AKAP7: variants seen among roughly 807,000 people sequenced by gnomAD.
AKAP7 encodes the protein A kinase (PRKA) anchor protein 7.
AKAP7 carries 39 observed loss-of-function variants against 39.5 expected under a neutral mutation model. The observed-to-expected ratio is 0.99, with a 90% CI of 0.76 to 1.29. AKAP7 has a LOEUF of 1.29. Among genes scored for constraint, AKAP7 ranks in the 50% most tolerant of loss-of-function variants. AKAP7 has a pLI of 0.00. For missense variants in AKAP7, 414 were observed against 407.7 expected, an observed-to-expected ratio of 1.02 and a Z score of -0.13; for synonymous variants, 140 against 139.1, an observed-to-expected ratio of 1.01 and a Z score of -0.05.
At chr6:131,238,348 C>G (rs141033644) in intron 7 of AKAP7, among the ~76,000 whole-genome samples, 1 of 152,004 alleles carries the variant, frequency 6.6e-6, no homozygotes, top group East Asian at 1.9e-4. Context: ...TTTTGGAATA[C>G]GTGTGGTGTG....
Position 131,281,628 on chromosome 6 carries a change from G to A in AKAP7, c.949G>A (p.Glu317Lys). The change falls in exon 8 of 8, where the codon GAG becomes AAG. Residue 317 changes from glutamate (E) to lysine (K), a missense_variant. Physicochemically the swap from Glu to Lys is moderately conservative, Grantham distance 56 (BLOSUM62 1). Transcript: ENST00000431975. This position sits in a 1 kb window ranked among gnomAD's most constrained non-coding sequence, Gnocchi z 4.0. ...GCTCAAGGCTGTCCAGCAGTATCTG[G>A]AGGAAACACAGAATAAAAACAAGCC... ...AVLKAVQQYL[E>K]ETQNKNKPGE... The A allele has an allele frequency of 6.2e-7, 1 of 1,613,728 alleles. No homozygotes were observed. The highest frequency in any genetic ancestry group is 8.5e-7 in the Non-Finnish European group (1 of 1,179,862).
intron 6 of AKAP7, among the ~76,000 whole-genome samples, chr6:131,203,447 A>C (rs1432045191): frequency 2.0e-5 from 3 of 152,126 alleles, no homozygotes; most frequent in African/African-American, 7.2e-5. Context: ...GCGAAATAAT[A>C]GTTTTTTTTT....
chr6:131,262,559 A>G (rs549548714), intron 7 of AKAP7, among the ~76,000 whole-genome samples: 3 of 152,198 alleles, frequency 2.0e-5, no homozygotes, highest in East Asian at 1.9e-4. Context: ...ATAAAATTCC[A>G]TAATTTTTTA....
intron 7 of AKAP7, among the ~76,000 whole-genome samples, chr6:131,229,029 A>G (rs1328462328): frequency 6.6e-6 from 1 of 152,176 alleles, no homozygotes; most frequent in Non-Finnish European, 1.5e-5. Context: ...TGCATATTGA[A>G]GTAGGTCGAC....
intron 4 of AKAP7, 106 bp downstream of exon 4, chr6:131,165,323 C>G (rs1192207980): frequency 3.9e-5 from 30 of 763,616 alleles, no homozygotes; most frequent in Non-Finnish European, 6.0e-5. Context: ...GAAGTAGTCT[C>G]TATACAATTT....
At chr6:131,181,932 T>C (rs1172177431) in intron 5 of AKAP7, among the ~76,000 whole-genome samples, 3 of 152,138 alleles carry the variant, frequency 2.0e-5, no homozygotes, top group Non-Finnish European at 4.4e-5. Flanking sequence ...GAAACCAGCC[T>C]GGCCAACATA....
In AKAP7 at chr6:131,282,491, C is replaced by CT. The variant is rs1376690895; in HGVS notation, c.*769dup. ...GTCCAAAGTGAAACAGATAAAGGAA[C>CT]TTTTATTAAAGCCTGAGACTCAGGC... On this transcript the variant is annotated 3_prime_UTR_variant, in exon 8 of 8. Coordinates refer to ENST00000431975, the MANE Select transcript of AKAP7 (RefSeq NM_016377.4). 156 of 1,535,372 alleles carry CT rather than the reference C, an allele frequency of 1.0e-4. No individual in the cohort carries two copies. Among genetic ancestry groups the CT allele is most frequent in the Non-Finnish European group, 1.3e-4 (150 of 1,146,648 alleles).
intron 3 of AKAP7, among the ~76,000 whole-genome samples, chr6:131,162,999 G>GCT (rs1454896020): frequency 7.1e-6 from 1 of 140,762 alleles, no homozygotes; most frequent in East Asian, 4.3e-4. Context: ...ACGCTCTTTC[G>GCT]CTCTCGCTCT....
chr6:131,175,344 C>T (rs1804475935), intron 5 of AKAP7, among the ~76,000 whole-genome samples: 1 of 152,124 alleles, frequency 6.6e-6, no homozygotes, highest in African/African-American at 2.4e-5. Context: ...CTGCTTAGTT[C>T]AAACCTGTGT....
At chr6:131,207,293 G>A (rs1808196701) in intron 6 of AKAP7, among the ~76,000 whole-genome samples, 1 of 150,970 alleles carries the variant, frequency 6.6e-6, no homozygotes, top group Non-Finnish European at 1.5e-5. Context: ...GGAGCAACAA[G>A]GACAATGGGA....
At chr6:131,267,842 C>T (rs1374674358) in intron 7 of AKAP7, among the ~76,000 whole-genome samples, 1 of 152,136 alleles carries the variant, frequency 6.6e-6, no homozygotes, top group Non-Finnish European at 1.5e-5. Context: ...TCCTTGAGAG[C>T]GTTCATGATC....
rs192825632 is a variant in AKAP7 at position 131,145,461 on chromosome 6, G to A, written c.151+45G>A. 7.1e-4 allele frequency: 886 copies of A among 1,254,190 alleles called. 2 individuals carry two copies. Among genetic ancestry groups the A allele is most frequent in the Admixed American group, 2.2e-3 (79 of 35,514 alleles). 77.7% of individuals were successfully genotyped at this position (1,254,190 alleles called of 1,614,324 possible). On this transcript the variant is annotated intron_variant, in intron 2 of 7. Coordinates refer to ENST00000431975, the MANE Select transcript of AKAP7 (RefSeq NM_016377.4). ...AACGCGTATTTAGAAGCAATGAGTA[G>A]TAAATTTAGTTATATATATATTTTT...
At chr6:131,195,777 G>A (rs1377581172) in intron 5 of AKAP7, among the ~76,000 whole-genome samples, 2 of 151,964 alleles carry the variant, frequency 1.3e-5, no homozygotes, top group Non-Finnish European at 2.9e-5. Flanking sequence ...ATTCTCTCCT[G>A]GCCTATAAAG....
intron 7 of AKAP7, among the ~76,000 whole-genome samples, chr6:131,278,394 T>C (rs1814922217): frequency 6.6e-6 from 1 of 152,210 alleles, no homozygotes; most frequent in East Asian, 1.9e-4. Flanking sequence ...AATGACCAAA[T>C]GGCCATGTAC....
chr6:131,130,573 AGCGT>A (rs1385501893), upstream of AKAP7, among the ~76,000 whole-genome samples: 1 of 152,192 alleles, frequency 6.6e-6, no homozygotes, highest in Non-Finnish European at 1.5e-5. Flanking sequence ...TGGGATTACA[AGCGT>A]GAGCCACTGT....
intron 1 of AKAP7, among the ~76,000 whole-genome samples, chr6:131,141,926 G>A (rs1488989094): frequency 8.1e-5 from 12 of 147,348 alleles, no homozygotes; most frequent in African/African-American, 3.0e-4. Flanking sequence ...TTTGCAACAG[G>A]GTCTCACTCT....
intron 6 of AKAP7, among the ~76,000 whole-genome samples, chr6:131,203,916 T>TG (rs2128285006): frequency 6.6e-6 from 1 of 152,320 alleles, no homozygotes. Flanking sequence ...AAAGAACCAA[T>TG]TCTTTGAAGT....
intron 7 of AKAP7, among the ~76,000 whole-genome samples, chr6:131,220,098 A>G (rs577536424): frequency 6.6e-6 from 1 of 152,312 alleles, no homozygotes; most frequent in South Asian, 2.1e-4. Context: ...ATTTTATTTC[A>G]TGAACATGAA....
In AKAP7 at chr6:131,199,531, G is replaced by C. The variant is rs1344730484; in HGVS notation, c.660G>C (p.Leu220Phe). 1 of 1,611,802 alleles carries C rather than the reference G, an allele frequency of 6.2e-7. No individual in the cohort carries two copies. Among genetic ancestry groups the C allele is most frequent in the East Asian group, 2.2e-5 (1 of 44,854 alleles). The change falls in exon 6 of 8, where the codon TTG (leucine) becomes TTC (phenylalanine). Residue 220 changes from leucine (L) to phenylalanine (F), a missense_variant. Leu to Phe is a conservative substitution (Grantham distance 22). Transcript: ENST00000431975. ...AGAGCAGAAGTTTTAAACCTCATTT[G>C]ACCTTCATGAAGTTGTCAAAATCAC... ...VGESRSFKPH[L>F]TFMKLSKSPW...
Sources: gnomAD v4.1 joint callset for allele counts (sites outside exome capture counted in the v4.1 genomes callset) on GRCh38, gnomAD v4.1.1 for gene constraint, Gnocchi (gnomAD v3.1) non-coding constraint, MANE v1.5 for transcripts, NCBI Gene and HGNC (gene_info 2026-07-23, HGNC 2026-07-21) for gene names.